Variants in CNTNAP2 observed in about 807,000 individuals in gnomAD.
The protein encoded by CNTNAP2 is contactin associated protein 2, also known as contactin-associated protein-like 2.
CNTNAP2 carries 98 observed loss-of-function variants against 155.2 expected under a neutral mutation model. That is an observed-to-expected ratio of 0.63 (90% CI 0.54 to 0.75). The LOEUF is 0.75. Ranked by LOEUF, CNTNAP2 falls within the 30% of genes least tolerant of loss-of-function variation. CNTNAP2 has a pLI of 0.00. For synonymous variants in CNTNAP2, 651 were observed against 631.2 expected, an observed-to-expected ratio of 1.03 and a Z score of -0.47; for missense variants, 1,727 against 1,688.1, an observed-to-expected ratio of 1.02 and a Z score of -0.40.
rs371696510 is a variant in CNTNAP2 at position 146,843,168 on chromosome 7, G to A, written c.402+3264G>A. 6.4e-4 allele frequency among the ~76,000 whole-genome samples: 80 copies of A among 125,984 alleles called. 1 individual carries two copies. The South Asian group carries it at 0.014, about 22-fold the overall frequency. 82.7% of individuals were successfully genotyped at this position (125,984 alleles called of 152,430 possible). The stretch of plus-strand genomic sequence containing the variant: ...GCTGGGACTACAGGCGCCCGCCACC[G>A]CGCCCAGCTAATTTTTTGTATTTTT... On this transcript the variant is annotated intron_variant, in intron 3 of 23. Transcript: ENST00000361727.
intron 1 of CNTNAP2, among the ~76,000 whole-genome samples, chr7:146,426,724 TTCAAACGACA>T (rs1796099022): frequency 1.3e-5 from 2 of 151,696 alleles, no homozygotes; most frequent in Non-Finnish European, 2.9e-5. Flanking sequence ...AGACGTGTTG[TTCAAACGACA>T]CAAAATATCA....
intron 3 of CNTNAP2, among the ~76,000 whole-genome samples, chr7:147,032,153 C>A (rs1258382423): frequency 6.6e-6 from 1 of 152,098 alleles, no homozygotes; most frequent in African/African-American, 2.4e-5. Context: ...TATTATCATT[C>A]TTTTTAAAAA....
intron 11 of CNTNAP2, among the ~76,000 whole-genome samples, chr7:147,533,344 T>C (rs573239300): frequency 6.6e-6 from 1 of 152,210 alleles, no homozygotes; most frequent in Non-Finnish European, 1.5e-5. Context: ...CATAAGTCTC[T>C]ACCTTTTCTA....
At chr7:146,286,127 A>G (rs981726630) in intron 1 of CNTNAP2, among the ~76,000 whole-genome samples, 2 of 146,822 alleles carry the variant, frequency 1.4e-5, no homozygotes. Flanking sequence ...TTCTTACAAC[A>G]TAGTCTATGT....
At chr7:146,225,520 C>G (rs1346000895) in intron 1 of CNTNAP2, among the ~76,000 whole-genome samples, 2 of 152,146 alleles carry the variant, frequency 1.3e-5, no homozygotes, top group Non-Finnish European at 2.9e-5. Context: ...ACTCAGCATT[C>G]AACTTGGAAA....
chr7:147,323,428 G>A (rs1447416724), intron 9 of CNTNAP2, among the ~76,000 whole-genome samples: 1 of 141,974 alleles, frequency 7.0e-6, no homozygotes, highest in Non-Finnish European at 1.5e-5. Context: ...TGATTGCACT[G>A]TGGTCTGAGA....
chr7:148,079,000 G>A (rs1276209048), intron 15 of CNTNAP2, among the ~76,000 whole-genome samples: 4 of 152,214 alleles, frequency 2.6e-5, no homozygotes, highest in Non-Finnish European at 4.4e-5. Flanking sequence ...GTGATTGAAT[G>A]GTGGTGTCTA....
intron 4 of CNTNAP2, among the ~76,000 whole-genome samples, chr7:147,049,245 A>G (rs1172460184): frequency 6.6e-6 from 1 of 152,230 alleles, no homozygotes; most frequent in African/African-American, 2.4e-5. Context: ...AAATGTCCAG[A>G]TAAGATTCTT....
chr7:147,059,418 T>G (rs1799621401), intron 4 of CNTNAP2, among the ~76,000 whole-genome samples: 1 of 141,052 alleles, frequency 7.1e-6, no homozygotes, highest in African/African-American at 2.7e-5. Flanking sequence ...GGGAGGGGGT[T>G]ATATGATAAT....
At chr7:147,920,253 G>A (rs892409592) in intron 14 of CNTNAP2, among the ~76,000 whole-genome samples, 2 of 150,056 alleles carry the variant, frequency 1.3e-5, no homozygotes, top group Non-Finnish European at 3.0e-5. Context: ...CCACTCAGGA[G>A]ACTGAGGCAG....
intron 8 of CNTNAP2, among the ~76,000 whole-genome samples, chr7:147,232,451 T>G (rs1458214835): frequency 6.6e-6 from 1 of 152,182 alleles, no homozygotes; most frequent in Non-Finnish European, 1.5e-5. Context: ...GTTACAAGAC[T>G]ATGGTAGTAA....
At chr7:147,725,764 G>A (rs1402834045) in intron 13 of CNTNAP2, among the ~76,000 whole-genome samples, 2 of 152,062 alleles carry the variant, frequency 1.3e-5, no homozygotes, top group African/African-American at 4.8e-5. Context: ...AACCCAACAC[G>A]AGACTTCCTG....
chr7:146,235,952 A>ATGTGTGTGTG (rs34046295), intron 1 of CNTNAP2, among the ~76,000 whole-genome samples: 2 of 149,406 alleles, frequency 1.3e-5, no homozygotes, highest in African/African-American at 4.9e-5. Flanking sequence ...ACATATGGAA[A>ATGTGTGTGTG]TGTGTGTGTG....
intron 1 of CNTNAP2, among the ~76,000 whole-genome samples, chr7:146,473,618 C>T (rs1320323124): frequency 6.6e-6 from 1 of 152,066 alleles, no homozygotes; most frequent in African/African-American, 2.4e-5. Flanking sequence ...AATAAACGCC[C>T]CTGGATTTAA....
At chr7:147,576,374 T>TA (rs1379469882) in intron 12 of CNTNAP2, among the ~76,000 whole-genome samples, 4 of 152,074 alleles carry the variant, frequency 2.6e-5, no homozygotes, top group Admixed American at 6.6e-5. Context: ...AGCAATATGC[T>TA]AAAAAAATCA....
At chr7:147,697,228 CTT>C (rs1490119898) in intron 13 of CNTNAP2, among the ~76,000 whole-genome samples, 1 of 152,066 alleles carries the variant, frequency 6.6e-6, no homozygotes, top group East Asian at 1.9e-4. Context: ...CTTTTTTGTT[CTT>C]TCTTAGAATA....
intron 1 of CNTNAP2, among the ~76,000 whole-genome samples, chr7:146,592,134 A>G (rs527917331): frequency 6.6e-6 from 1 of 152,302 alleles, no homozygotes; most frequent in African/African-American, 2.4e-5. Context: ...TGGAAAAAAC[A>G]AAGCCAGTGC....
intron 11 of CNTNAP2, among the ~76,000 whole-genome samples, chr7:147,507,143 C>T (rs769661308): frequency 1.3e-5 from 2 of 152,106 alleles, no homozygotes; most frequent in African/African-American, 4.8e-5. Context: ...GGACTGCACA[C>T]TCTCTCCCCG....
intron 15 of CNTNAP2, among the ~76,000 whole-genome samples, chr7:148,095,659 ACTGATGACTACAGAAATAGAATATCAGG>A (rs1362684831): frequency 6.6e-6 from 1 of 152,256 alleles, no homozygotes; most frequent in Non-Finnish European, 1.5e-5. Context: ...TTTGTGAGCC[ACTGATGACTACAGAAATAGAATATCAGG>A]CTGAAACACA....
Sources: gnomAD v4.1 joint callset for allele counts (sites outside exome capture counted in the v4.1 genomes callset) on GRCh38, gnomAD v4.1.1 for gene constraint, MANE v1.5 for transcripts, NCBI Gene and HGNC (gene_info 2026-07-23, HGNC 2026-07-21) for gene names.